Variants in TBCEL observed in about 807,000 individuals in gnomAD.
TBCEL encodes the protein tubulin-specific chaperone cofactor E-like protein.
A neutral mutation model predicts 44.2 loss-of-function variants in TBCEL; 15 were observed. The ratio of observed to expected loss-of-function variants is 0.34; its 90% CI spans 0.23 to 0.52. The LOEUF (loss-of-function observed/expected upper bound fraction) is 0.52. Ranked by LOEUF, TBCEL falls within the 20% of genes least tolerant of loss-of-function variation. The pLI is 0.95. For missense variants in TBCEL, 319 were observed against 506.3 expected (o/e 0.63, Z 3.55); for synonymous variants, 171 against 185.4 (o/e 0.92, Z 0.63).
At chr11:121,064,689 T>C (rs1945785943) in intron 8 of TBCEL, among the ~76,000 whole-genome samples, 1 of 152,240 alleles carries the variant, frequency 6.6e-6, no homozygotes, top group Admixed American at 6.5e-5. Flanking sequence ...ATGGGTGCTC[T>C]ACTTCCTAAT....
intron 8 of TBCEL, among the ~76,000 whole-genome samples, chr11:121,082,391 G>A (rs1156603290): frequency 6.6e-6 from 1 of 152,212 alleles, no homozygotes; most frequent in African/African-American, 2.4e-5. Flanking sequence ...GGTGTGTCAG[G>A]TTCTGGTGCT....
Position 121,087,471 on chromosome 11 carries a change from T to C in TBCEL, c.*375T>C, listed in dbSNP as rs1385395954. 1.2e-5 allele frequency: 2 copies of C among 172,790 alleles called. No individual in the cohort carries two copies. Among genetic ancestry groups the C allele is most frequent in the Admixed American group, 5.8e-5 (1 of 17,110 alleles). 10.7% of individuals were successfully genotyped at this position (172,790 alleles called of 1,614,324 possible). The stretch of plus-strand genomic sequence containing the variant: ...ACTGTAGCCCCTTAGAAGGGTCTCA[T>C]AGAGAATTTAAACAGGGTGACAAGG... On this transcript the variant is annotated 3_prime_UTR_variant, in exon 9 of 9. Coordinates refer to ENST00000683345, the MANE Select transcript of TBCEL (RefSeq NM_001363644.2).
At chr11:121,033,535 C>T (rs1020164653) in intron 1 of TBCEL, among the ~76,000 whole-genome samples, 1 of 152,120 alleles carries the variant, frequency 6.6e-6, no homozygotes, top group Non-Finnish European at 1.5e-5. Flanking sequence ...GAATTATTTG[C>T]ATTAATTTGA....
chr11:121,055,448 T>C (rs1010844519), intron 6 of TBCEL, 140 bp downstream of exon 6: 7 of 818,756 alleles, frequency 8.5e-6, no homozygotes, highest in Non-Finnish European at 1.2e-5. Flanking sequence ...ATGCCTATGA[T>C]TGGCTAAATT....
Position 121,070,774 on chromosome 11 carries a change from G to A in TBCEL, c.956+10689G>A, listed in dbSNP as rs149773269. 7.4e-3 allele frequency among the ~76,000 whole-genome samples: 1,120 copies of A among 151,026 alleles called. 7 individuals carry two copies. The highest frequency in any genetic ancestry group is 0.02 in the Middle Eastern group (6 of 294). ...TATAAATGACAAGTTAATGGGTGCA[G>A]CACACCAACATGGCACATGTTTGCA... On this transcript the variant is annotated intron_variant, in intron 8 of 8. Transcript: ENST00000683345.
chr11:121,039,860 C>CA (rs1945300025), intron 2 of TBCEL, among the ~76,000 whole-genome samples: 1 of 149,698 alleles, frequency 6.7e-6, no homozygotes, highest in Non-Finnish European at 1.5e-5. Context: ...AAAATATTGG[C>CA]AGTAGCTTTT....
intron 2 of TBCEL, among the ~76,000 whole-genome samples, chr11:121,044,956 A>C (rs1309407159): frequency 6.6e-6 from 1 of 152,142 alleles, no homozygotes; most frequent in Non-Finnish European, 1.5e-5. Context: ...GATATGTACC[A>C]GTATGGCAGC....
chr11:121,058,118 A>G (rs1319989575), intron 6 of TBCEL, among the ~76,000 whole-genome samples: 1 of 151,960 alleles, frequency 6.6e-6, no homozygotes, highest in Non-Finnish European at 1.5e-5. Context: ...TTAGACAATA[A>G]CACTCTCTTA....
At chr11:121,047,730 TG>T in intron 4 of TBCEL, 63 bp downstream of exon 4, 1 of 1,566,308 alleles carries the variant, frequency 6.4e-7, no homozygotes. Flanking sequence ...TCATTGTTTA[TG>T]TTATTATATG....
chr11:121,064,618 T>C (rs939339943), intron 8 of TBCEL, among the ~76,000 whole-genome samples: 4 of 152,170 alleles, frequency 2.6e-5, no homozygotes, highest in Non-Finnish European at 5.9e-5. Context: ...TAAATTGAAA[T>C]GGCAACCTGA....
chr11:121,072,835 A>G (rs1945960925), intron 8 of TBCEL, among the ~76,000 whole-genome samples: 1 of 152,104 alleles, frequency 6.6e-6, no homozygotes, highest in African/African-American at 2.4e-5. Flanking sequence ...AGGTGTTTTT[A>G]TATTTATGAC....
At chr11:121,056,363 A>T (rs1471709640) in intron 6 of TBCEL, among the ~76,000 whole-genome samples, 1 of 151,580 alleles carries the variant, frequency 6.6e-6, no homozygotes, top group Non-Finnish European at 1.5e-5. Context: ...ACTACAGTTT[A>T]TTTTATCTAC....
chr11:121,083,090 T>A (rs1262617308), intron 8 of TBCEL, among the ~76,000 whole-genome samples: 1 of 152,184 alleles, frequency 6.6e-6, no homozygotes, highest in Admixed American at 6.5e-5. Context: ...ATTTTTCAGC[T>A]TTTCAGTCTT....
At chr11:121,072,396 C>A (rs998825836) in intron 8 of TBCEL, among the ~76,000 whole-genome samples, 4 of 152,044 alleles carry the variant, frequency 2.6e-5, no homozygotes, top group African/African-American at 9.7e-5. Context: ...ATAAAACATT[C>A]TTGTTCACAC....
chr11:121,068,884 C>T (rs1177257672), intron 8 of TBCEL, among the ~76,000 whole-genome samples: 2 of 145,262 alleles, frequency 1.4e-5, no homozygotes, highest in African/African-American at 5.1e-5. Flanking sequence ...AAGGCTCCGT[C>T]TCAAAAAAAA....
chr11:121,044,373 C>T (rs184940520), intron 2 of TBCEL, among the ~76,000 whole-genome samples: 77 of 152,180 alleles, frequency 5.1e-4, no homozygotes, highest in Non-Finnish European at 9.6e-4. Flanking sequence ...ATGTGGTATA[C>T]AAGATCTCCT....
chr11:121,039,557 G>C (rs548505169), intron 2 of TBCEL, among the ~76,000 whole-genome samples: 2 of 152,274 alleles, frequency 1.3e-5, no homozygotes, highest in South Asian at 4.1e-4. Context: ...CTCTATGAAG[G>C]CACATATTTT....
chr11:121,070,924 A>C (rs764593126), intron 8 of TBCEL, among the ~76,000 whole-genome samples: 1 of 151,998 alleles, frequency 6.6e-6, no homozygotes, highest in East Asian at 1.9e-4. Flanking sequence ...GAGATTGCTT[A>C]TGTCTTTTTA....
rs527566258 is a variant in TBCEL, at chr11:121,087,170, T to C, written c.*74T>C. The C allele has an allele frequency of 7.2e-7, 1 of 1,394,434 alleles. No individual in the cohort carries two copies. The highest frequency in any genetic ancestry group is 9.8e-7 in the Non-Finnish European group (1 of 1,023,808). The allele number at this position is 1,394,434 out of a possible 1,614,324, so 86.4% of individuals were successfully genotyped here. On this transcript the variant is annotated 3_prime_UTR_variant, in exon 9 of 9. Coordinates refer to ENST00000683345, the MANE Select transcript of TBCEL (RefSeq NM_001363644.2). ...CATTTGTTTTTAATGTGGTTTTCTT[T>C]AGGAGGGAGAGGTTGTTTTTGTTTT...
Sources: gnomAD v4.1 joint callset for allele counts (sites outside exome capture counted in the v4.1 genomes callset) on GRCh38, gnomAD v4.1.1 for gene constraint, MANE v1.5 for transcripts, NCBI Gene and HGNC (gene_info 2026-07-23, HGNC 2026-07-21) for gene names.